NAA15: variants seen among roughly 807,000 people sequenced by gnomAD.
The protein encoded by NAA15 is N-terminal acetyltransferase.
A neutral mutation model predicts 114.0 loss-of-function variants in NAA15; 34 were observed. That is an observed-to-expected ratio of 0.30 (90% CI 0.23 to 0.40). NAA15 has a LOEUF of 0.40. Among genes scored for constraint, NAA15 ranks in the 10% least tolerant of loss-of-function variants. The pLI is 1.00. For missense variants in NAA15, 658 were observed against 1,004.5 expected, an observed-to-expected ratio of 0.66 and a Z score of 4.66; for synonymous variants, 340 against 338.0, an observed-to-expected ratio of 1.01 and a Z score of -0.06.
rs373252183 is a variant in NAA15, at chr4:139,353,992, T to C, written c.1015-34T>C. 3.7e-5 allele frequency: 58 copies of C among 1,547,490 alleles called. No individual in the cohort carries two copies. The African/African-American group carries it at 6.7e-4, about 18-fold the overall frequency. On this transcript the variant is annotated intron_variant, in intron 9 of 19. Transcript: ENST00000296543. Reference sequence around the variant, plus strand: ...ATAAGAATAGTAAATGTGTGTTTTTTCTATTAAAGTGTGTTTGTGTGTTTG... The same window carrying C: ...ATAAGAATAGTAAATGTGTGTTTTTCCTATTAAAGTGTGTTTGTGTGTTTG...
Position 139,389,731 on chromosome 4 carries a change from A to G in NAA15, c.*1647A>G, listed in dbSNP as rs146498165. The G allele has an allele frequency of 1.3e-5, 2 of 151,634 alleles. No homozygotes were observed. The highest frequency in any genetic ancestry group is 4.8e-5 in the African/African-American group (2 of 41,520). 9.4% of individuals were successfully genotyped at this position (151,634 alleles called of 1,614,324 possible). On this transcript the variant is annotated 3_prime_UTR_variant, in exon 20 of 20. Coordinates refer to ENST00000296543, the MANE Select transcript of NAA15 (RefSeq NM_057175.5). ...TATATAATTGACCTTTTTGTGGAAC[A>G]TGTAGTTTATAGAAAGTATACTCTA...
intron 3 of NAA15, among the ~76,000 whole-genome samples, chr4:139,339,758 AC>A (rs1425142317): frequency 6.6e-6 from 1 of 152,014 alleles, no homozygotes; most frequent in African/African-American, 2.4e-5. Flanking sequence ...TCAAAAACAA[AC>A]AAACAACAAC....
intron 6 of NAA15, among the ~76,000 whole-genome samples, 154 bp from the exon 7 acceptor site, chr4:139,349,308 G>C (rs149407915): frequency 6.6e-6 from 1 of 152,020 alleles, no homozygotes; most frequent in Admixed American, 6.6e-5. Context: ...AACATAACTT[G>C]GTAAATGATC....
chr4:139,313,242 C>T lies in NAA15; in HGVS notation c.54+11411C>T, dbSNP rs974626360. Reference sequence around the variant, plus strand: ...CATGGTTGCTGTTCAAATTCAAAAACTTTTTTTTCCTCTCACAATAAAATG... The same window carrying T: ...CATGGTTGCTGTTCAAATTCAAAAATTTTTTTTTCCTCTCACAATAAAATG... On this transcript the variant is annotated intron_variant, in intron 1 of 19. Coordinates refer to ENST00000296543, the MANE Select transcript of NAA15 (RefSeq NM_057175.5). 2.0e-5 allele frequency among the ~76,000 whole-genome samples: 3 copies of T among 151,762 alleles called. 1 individual carries two copies. Among genetic ancestry groups the T allele is most frequent in the East Asian group, 3.9e-4 (2 of 5,166 alleles).
At chr4:139,326,903 G>A (rs766937172) in intron 1 of NAA15, among the ~76,000 whole-genome samples, 1 of 151,900 alleles carries the variant, frequency 6.6e-6, no homozygotes, top group Non-Finnish European at 1.5e-5. Flanking sequence ...CCTTTTTGTC[G>A]TTTTAATTTT....
intron 1 of NAA15, among the ~76,000 whole-genome samples, chr4:139,327,445 G>A (rs553622871): frequency 2.0e-4 from 31 of 152,212 alleles, no homozygotes; most frequent in African/African-American, 7.0e-4. Flanking sequence ...GTAGAAACGG[G>A]GTTTCACCAT....
intron 11 of NAA15, among the ~76,000 whole-genome samples, chr4:139,358,172 T>C (rs894995846): frequency 1.4e-5 from 2 of 147,992 alleles, no homozygotes; most frequent in South Asian, 4.4e-4. Context: ...AAGAAGTTTT[T>C]TTGTTTGTTT....
At chr4:139,351,646 A>T in intron 9 of NAA15, 35 bp downstream of exon 9, 1 of 1,083,070 alleles carries the variant, frequency 9.2e-7, no homozygotes. Context: ...TTTGGCTACC[A>T]TTTCTTTGCT....
At chr4:139,315,013 T>TCAGTTCAGTTCAGTTCAGTTC (rs1560952827) in intron 1 of NAA15, among the ~76,000 whole-genome samples, 1 of 131,954 alleles carries the variant, frequency 7.6e-6, no homozygotes, top group African/African-American at 2.9e-5. Context: ...TAGTTTAGGT[T>TCAGTTCAGTTCAGTTCAGTTC]AGGTTAGGTT....
intron 1 of NAA15, among the ~76,000 whole-genome samples, chr4:139,330,936 T>C (rs926631044): frequency 6.6e-6 from 1 of 152,210 alleles, no homozygotes; most frequent in African/African-American, 2.4e-5. Flanking sequence ...TATTTTTCTG[T>C]TTCTACACAT....
intron 17 of NAA15, among the ~76,000 whole-genome samples, chr4:139,382,227 T>A (rs1263154698): frequency 6.6e-6 from 1 of 152,144 alleles, no homozygotes; most frequent in African/African-American, 2.4e-5. Context: ...TAATTGATAT[T>A]TTCCTGGAGG....
At chr4:139,329,672 A>C (rs1334311248) in intron 1 of NAA15, among the ~76,000 whole-genome samples, 1 of 152,244 alleles carries the variant, frequency 6.6e-6, no homozygotes, top group Non-Finnish European at 1.5e-5. Flanking sequence ...AGAATTGTTA[A>C]ACTTAATGCG....
rs1051995614 is a variant in NAA15, at chr4:139,332,585, T to G, written c.55-1589T>G. ...TTTGGTTTGTATGTTTTTTTTTTTT[T>G]TTTTTTTTTTTTTTTGAGACGGAGT... On this transcript the variant is annotated intron_variant, in intron 1 of 19. Coordinates refer to ENST00000296543, the MANE Select transcript of NAA15 (RefSeq NM_057175.5). Among the ~76,000 whole-genome samples the G allele has an allele frequency of 4.0e-5, 5 of 124,224 alleles. 1 individual carries two copies. The highest frequency in any genetic ancestry group is 6.7e-5 in the African/African-American group (2 of 30,050). 81.5% of individuals were successfully genotyped at this position (124,224 alleles called of 152,430 possible).
chr4:139,331,289 T>G (rs1560960395), intron 1 of NAA15, among the ~76,000 whole-genome samples: 1 of 152,216 alleles, frequency 6.6e-6, no homozygotes, highest in East Asian at 1.9e-4. Flanking sequence ...TGTTGCTTAG[T>G]AATACATCAC....
At chr4:139,328,483 C>T (rs1013864937) in intron 1 of NAA15, among the ~76,000 whole-genome samples, 3 of 152,168 alleles carry the variant, frequency 2.0e-5, no homozygotes, top group South Asian at 2.1e-4. Context: ...GCTGGGATTA[C>T]AGGCGTGAGC....
intron 1 of NAA15, 92 bp downstream of exon 1, chr4:139,301,923 C>T: frequency 7.2e-7 from 1 of 1,381,048 alleles, no homozygotes; most frequent in Admixed American, 2.2e-5. Flanking sequence ...CACTGAGCCA[C>T]TCCCGCCCGG....
chr4:139,384,704 A>G (rs779475126), intron 17 of NAA15, 128 bp from the exon 18 acceptor site: 1 of 516,608 alleles, frequency 1.9e-6, no homozygotes, highest in Non-Finnish European at 3.1e-6. Flanking sequence ...ACAGTGAGCC[A>G]TGGTTGTGCC....
rs370784940 is a variant in NAA15, at chr4:139,307,180, G to C, written c.54+5349G>C. ...GCCAGGCTCTGCTCTAGGTGCTTTA[G>C]AATAGCACTGCACAGTAGAATTTTC... is the stretch of plus-strand genomic sequence containing the variant. On this transcript the variant is annotated intron_variant, in intron 1 of 19. Transcript: ENST00000296543. 7.2e-5 allele frequency among the ~76,000 whole-genome samples: 11 copies of C among 152,336 alleles called. No homozygotes were observed. In the East Asian group the frequency reaches 7.7e-4, roughly 11 times the overall value.
At chr4:139,368,224 G>T (rs994613947) in intron 14 of NAA15, among the ~76,000 whole-genome samples, 2 of 152,214 alleles carry the variant, frequency 1.3e-5, no homozygotes, top group Admixed American at 1.3e-4. Flanking sequence ...TATGTGTCAA[G>T]AATTCAGAAG....
Sources: allele counts gnomAD v4.1 joint callset (sites outside exome capture counted in the v4.1 genomes callset), GRCh38; gene constraint gnomAD v4.1.1; transcripts MANE v1.5; gene names NCBI Gene and HGNC (gene_info 2026-07-23, HGNC 2026-07-21).